CDH4: variants seen among roughly 807,000 people sequenced by gnomAD.
CDH4 encodes the protein cadherin 4.
A neutral mutation model predicts 86.0 loss-of-function variants in CDH4; 33 were observed. That is an observed-to-expected ratio of 0.38 (90% confidence interval 0.29 to 0.51). The LOEUF (loss-of-function observed/expected upper bound fraction) is 0.51, where lower values mean the gene tolerates loss of function less well. Among genes scored for constraint, CDH4 ranks in the 20% least tolerant of loss-of-function variants. The pLI is 0.86. For missense variants in CDH4, 1,114 were observed against 1,307.4 expected, an observed-to-expected ratio of 0.85 and a Z score of 2.28; for synonymous variants, 555 against 549.4, an observed-to-expected ratio of 1.01 and a Z score of -0.14.
intron 7 of CDH4, among the ~76,000 whole-genome samples, chr20:61,890,433 C>T (rs1776254): frequency 0.85 from 127,024 of 150,114 alleles, 54,193 homozygotes; most frequent in Non-Finnish European, 0.92. Flanking sequence ...GGATAGATGA[C>T]GGGTGGATGG....
intron 2 of CDH4, among the ~76,000 whole-genome samples, chr20:61,325,816 C>A (rs548853393): frequency 6.6e-6 from 1 of 152,310 alleles, no homozygotes; most frequent in East Asian, 1.9e-4. Context: ...ACAAAGCTAA[C>A]AGGCTTTACT....
intron 2 of CDH4, among the ~76,000 whole-genome samples, chr20:61,566,389 A>C (rs1266639648): frequency 6.6e-6 from 1 of 152,198 alleles, no homozygotes; most frequent in Non-Finnish European, 1.5e-5. Flanking sequence ...CCAAGGATGA[A>C]GAGTTGGAGT....
At chr20:61,565,304 C>G (rs1186021041) in intron 2 of CDH4, among the ~76,000 whole-genome samples, 3 of 42,198 alleles carry the variant, frequency 7.1e-5, no homozygotes, top group Admixed American at 1.9e-4. Context: ...GGTGGCGGTG[C>G]TCTTGGTGGT....
At chr20:61,536,499 G>A (rs1030318636) in intron 2 of CDH4, among the ~76,000 whole-genome samples, 1 of 152,006 alleles carries the variant, frequency 6.6e-6, no homozygotes, top group African/African-American at 2.4e-5. Context: ...GAAAAGGCTC[G>A]TGGGCATTGA....
chr20:61,816,722 C>T (rs1164862137), intron 4 of CDH4, among the ~76,000 whole-genome samples: 1 of 151,380 alleles, frequency 6.6e-6, no homozygotes, highest in Non-Finnish European at 1.5e-5. Context: ...GCCAAGGGGG[C>T]AGACACCCTC....
intron 2 of CDH4, among the ~76,000 whole-genome samples, chr20:61,474,305 C>T (rs963612250): frequency 8.7e-5 from 13 of 150,186 alleles, no homozygotes; most frequent in Non-Finnish European, 1.3e-4. Flanking sequence ...GGATTACAGG[C>T]GTGCACCACC....
intron 2 of CDH4, among the ~76,000 whole-genome samples, chr20:61,526,374 G>A (rs2085910312): frequency 6.6e-6 from 1 of 152,078 alleles, no homozygotes; most frequent in Admixed American, 6.5e-5. Context: ...CCTCGGTGGA[G>A]GCAGCCCGCC....
Position 61,773,181 on chromosome 20 carries a change from G to A in CDH4, c.575G>A (p.Arg192Lys). The A allele has an allele frequency of 6.4e-7, 1 of 1,565,540 alleles. No homozygotes were observed. Among genetic ancestry groups the A allele is most frequent in the Non-Finnish European group, 8.7e-7 (1 of 1,155,208 alleles). The change falls in exon 4 of 16, where the codon AGG (arginine) becomes AAG (lysine). Residue 192 changes from arginine (R) to lysine (K), a missense_variant and splice_region_variant. Transcript: ENST00000614565. ...SRGPFPQQLV[R>K]IRSDKDNDIP... ...GGGCCCTTCCCGCAGCAGCTCGTGAGGGTGAGTGCAGACCCCTCCCGCGGG... is the reference window on the plus strand; with the variant it reads ...GGGCCCTTCCCGCAGCAGCTCGTGAAGGTGAGTGCAGACCCCTCCCGCGGG...
At chr20:61,890,190 AG>A (rs1321151620) in intron 7 of CDH4, among the ~76,000 whole-genome samples, 40 of 33,782 alleles carry the variant, frequency 1.2e-3, no homozygotes, top group African/African-American at 4.4e-3. Flanking sequence ...ATGGATGGAT[AG>A]ATGATGGATG....
Position 61,844,791 on chromosome 20 carries a change from C to T in CDH4, c.700C>T (p.Pro234Ser). ...GTCCGGCCGGATGTACGTCACAAGG[C>T]CCATGGACCGGGAGGAGCACGCCTC... ...SMSGRMYVTR[P>S]MDREEHASYH... The change falls in exon 5 of 16, where the codon CCC becomes TCC. Residue 234 changes from proline to serine, a missense_variant. Coordinates refer to ENST00000614565, the MANE Select transcript of CDH4 (RefSeq NM_001794.5). The T allele has an allele frequency of 6.2e-7, 1 of 1,613,730 alleles. No homozygotes were observed. The highest frequency in any genetic ancestry group is 8.5e-7 in the Non-Finnish European group (1 of 1,179,790).
chr20:61,301,740 G>A (rs977468129), intron 2 of CDH4, among the ~76,000 whole-genome samples: 2 of 152,312 alleles, frequency 1.3e-5, no homozygotes, highest in African/African-American at 4.8e-5. Flanking sequence ...AAGCCTGATG[G>A]TCCCTGAGAA....
chr20:61,523,657 G>A (rs2085889580), intron 2 of CDH4, among the ~76,000 whole-genome samples: 1 of 152,222 alleles, frequency 6.6e-6, no homozygotes, highest in Non-Finnish European at 1.5e-5. Context: ...TTTCCTGGGG[G>A]ACGGATGGCC....
intron 2 of CDH4, among the ~76,000 whole-genome samples, chr20:61,710,127 G>T (rs963510357): frequency 2.0e-5 from 3 of 152,112 alleles, no homozygotes; most frequent in Non-Finnish European, 2.9e-5. Context: ...TGCCGGGCGG[G>T]TCTGCATAGC....
At chr20:61,404,899 A>G (rs912687029) in intron 2 of CDH4, among the ~76,000 whole-genome samples, 1 of 151,768 alleles carries the variant, frequency 6.6e-6, no homozygotes, top group Admixed American at 6.6e-5. Context: ...AAATACAAAA[A>G]ATTAGCTGGG....
At chr20:61,317,670 C>T (rs1316084214) in intron 2 of CDH4, among the ~76,000 whole-genome samples, 2 of 152,146 alleles carry the variant, frequency 1.3e-5, no homozygotes, top group Non-Finnish European at 2.9e-5. Context: ...TAGCACCCCT[C>T]CCCTAGGTGC....
chr20:61,814,169 C>T (rs1013715762), intron 4 of CDH4, among the ~76,000 whole-genome samples: 9 of 152,228 alleles, frequency 5.9e-5, no homozygotes, highest in Admixed American at 4.6e-4. Flanking sequence ...ATCTGTGGAA[C>T]GGGGACAGGA....
chr20:61,443,920 CTGTG>C (rs892029905), intron 2 of CDH4, among the ~76,000 whole-genome samples: 13 of 148,134 alleles, frequency 8.8e-5, no homozygotes, highest in Non-Finnish European at 1.8e-4. Context: ...GTCTGTATCT[CTGTG>C]TGTGTGTCTT....
At chr20:61,763,154 C>T (rs573243678) in intron 3 of CDH4, among the ~76,000 whole-genome samples, 10 of 152,320 alleles carry the variant, frequency 6.6e-5, no homozygotes, top group African/African-American at 2.2e-4. Context: ...TGCCGGCTTC[C>T]CTTAGAAATA....
At chr20:61,432,118 C>T (rs2085250729) in intron 2 of CDH4, among the ~76,000 whole-genome samples, 1 of 152,156 alleles carries the variant, frequency 6.6e-6, no homozygotes, top group South Asian at 2.1e-4. Flanking sequence ...TTATATGAGT[C>T]CTTTATGGTT....
Sources: gnomAD v4.1 joint callset for allele counts (sites outside exome capture counted in the v4.1 genomes callset) on GRCh38, gnomAD v4.1.1 for gene constraint, MANE v1.5 for transcripts, NCBI Gene and HGNC (gene_info 2026-07-23, HGNC 2026-07-21) for gene names.